The following ACP3 variants were observed in gnomAD, a reference collection of about 807,000 sequenced individuals.
ACP3 encodes the protein prostatic acid phosphatase.
ACP3 carries 38 observed loss-of-function variants against 45.6 expected under a neutral mutation model. That is an observed-to-expected ratio of 0.83 (90% CI 0.64 to 1.09). ACP3 has a LOEUF of 1.09. ACP3 is among the 50% of genes least tolerant of loss of function. The probability of loss-of-function intolerance (pLI) is 0.00; values close to 1 mark genes in which losing one functional copy is unlikely to be tolerated. For missense variants in ACP3, 466 were observed against 463.2 expected (o/e 1.01, Z -0.05); for synonymous variants, 162 against 164.7 (o/e 0.98, Z 0.13).
At chr3:132,335,632 G>T (rs1483045577) in intron 4 of ACP3, among the ~76,000 whole-genome samples, 3 of 152,152 alleles carry the variant, frequency 2.0e-5, no homozygotes, top group Non-Finnish European at 4.4e-5. Context: ...AAATGAAACA[G>T]GTTAATATGA....
intron 2 of ACP3, among the ~76,000 whole-genome samples, chr3:132,330,594 TCTC>T (rs745425924): frequency 1.3e-5 from 2 of 152,282 alleles, no homozygotes; most frequent in Admixed American, 6.5e-5. Flanking sequence ...AGTACCTGCT[TCTC>T]CGCTACTCAG....
chr3:132,360,448 G>C (rs1271793577), downstream of ACP3, among the ~76,000 whole-genome samples: 1 of 152,108 alleles, frequency 6.6e-6, no homozygotes, highest in Non-Finnish European at 1.5e-5. Flanking sequence ...CCTTAGAGTA[G>C]GGGTTTCCAC....
At chr3:132,321,616 G>A (rs2107791623) in intron 1 of ACP3, among the ~76,000 whole-genome samples, 1 of 152,286 alleles carries the variant, frequency 6.6e-6, no homozygotes, top group East Asian at 1.9e-4. Flanking sequence ...GGGTGCATTT[G>A]GCCAAGACAT....
downstream of ACP3, among the ~76,000 whole-genome samples, chr3:132,360,249 A>T (rs1179048744): frequency 1.3e-5 from 2 of 152,080 alleles, no homozygotes; most frequent in Non-Finnish European, 1.5e-5. Context: ...TCTAGCAAAT[A>T]AAAGTACAGG....
At chr3:132,329,111 C>G (rs1937355057) in intron 2 of ACP3, among the ~76,000 whole-genome samples, 1 of 152,126 alleles carries the variant, frequency 6.6e-6, no homozygotes, top group Non-Finnish European at 1.5e-5. Flanking sequence ...GTTCCAAAGC[C>G]CTATTCCCTT....
intron 7 of ACP3, among the ~76,000 whole-genome samples, chr3:132,346,466 C>T (rs567117298): frequency 7.2e-5 from 11 of 152,268 alleles, no homozygotes; most frequent in African/African-American, 2.6e-4. Flanking sequence ...TGTGCAAGTC[C>T]TTACTTCACA....
At chr3:132,337,894 C>T (rs948153102) in intron 5 of ACP3, among the ~76,000 whole-genome samples, 4 of 151,970 alleles carry the variant, frequency 2.6e-5, no homozygotes, top group African/African-American at 9.7e-5. Flanking sequence ...GGATTATTGT[C>T]TTCATATACA....
At chr3:132,362,238 G>A (rs1261063247), downstream of ACP3, among the ~76,000 whole-genome samples, 1 of 151,992 alleles carries the variant, frequency 6.6e-6, no homozygotes, top group Non-Finnish European at 1.5e-5. Context: ...AACCTCAGAG[G>A]ATAACATGCC....
chr3:132,328,286 G>C lies in ACP3; in HGVS notation c.140G>C (p.Arg47Pro), dbSNP rs974512425. 2 of 1,613,656 alleles carry C rather than the reference G, an allele frequency of 1.2e-6. No individual in the cohort carries two copies. Among genetic ancestry groups the C allele is most frequent in the Non-Finnish European group, 1.7e-6 (2 of 1,179,746 alleles). ...FVTLVFRHGD[R>P]SPIDTFPTDP... ...TTTCAGGTGTTTCGGCATGGAGACC[G>C]AAGTCCCATTGACACCTTTCCCACT... Residue 47 changes from arginine (R) to proline (P), a missense_variant, in exon 2 of 10, where the codon CGA (arginine) becomes CCA (proline). Physicochemically the swap from Arg to Pro is moderately radical, Grantham distance 103. Coordinates refer to ENST00000336375, the MANE Select transcript of ACP3 (RefSeq NM_001099.5).
In ACP3 at chr3:132,358,614, C is replaced by A. The variant is rs1937972544; in HGVS notation, c.*1736C>A. ...TCCTGGTTGGTCACAGAATGACTGA[C>A]AAAGACATCGATTGATATGCTTCTT... On this transcript the variant is annotated 3_prime_UTR_variant, in exon 10 of 10. Coordinates refer to ENST00000336375, the MANE Select transcript of ACP3 (RefSeq NM_001099.5). The A allele has an allele frequency of 1.9e-6, 2 of 1,067,494 alleles. No homozygotes were observed. Among genetic ancestry groups the A allele is most frequent in the Admixed American group, 4.6e-5 (1 of 21,676 alleles). The allele number at this position is 1,067,494 out of a possible 1,614,324, so 66.1% of individuals were successfully genotyped here. A position where few individuals can be genotyped will look rare whatever the true frequency, so the allele number is the denominator to read the frequency against.
intron 1 of ACP3, among the ~76,000 whole-genome samples, chr3:132,319,775 G>T (rs1236115922): frequency 6.6e-6 from 1 of 152,130 alleles, no homozygotes. Flanking sequence ...ACTAGACATG[G>T]TCTTTTCCTG....
chr3:132,358,503 C>T lies in ACP3; in HGVS notation c.*1625C>T. On this transcript the variant is annotated 3_prime_UTR_variant, in exon 10 of 10. Transcript: ENST00000336375. ...ATCTACATGTCTAGAGAACACTGTG[C>T]TCTATTACCATTATGGATAAAGATG... 3.2e-6 allele frequency: 4 copies of T among 1,252,548 alleles called. No homozygotes were observed. Among genetic ancestry groups the T allele is most frequent in the Non-Finnish European group, 4.1e-6 (4 of 965,602 alleles). 77.6% of individuals were successfully genotyped at this position (1,252,548 alleles called of 1,614,324 possible).
rs549024894 is a variant in ACP3 at position 132,337,539 on chromosome 3, G to A, written c.540G>A (p.Arg180=). 3.1e-6 allele frequency: 5 copies of A among 1,608,066 alleles called. No individual in the cohort carries two copies. Among genetic ancestry groups the A allele is most frequent in the African/African-American group, 1.3e-5 (1 of 74,864 alleles). Residue 180 remains arginine (R), a synonymous_variant, in exon 5 of 10, where the codon AGG becomes AGA. Coordinates refer to ENST00000336375, the MANE Select transcript of ACP3 (RefSeq NM_001099.5). ...ETLKSEEFQK[R]LHPYKDFIAT... ...TGAAATCAGAGGAATTCCAGAAGAGGCTGCACCCTTATAAGGTTAAAAGCT... is the reference window on the plus strand; with the variant it reads ...TGAAATCAGAGGAATTCCAGAAGAGACTGCACCCTTATAAGGTTAAAAGCT...
chr3:132,365,654 A>C (rs943276255), intron 10 of ACP3, among the ~76,000 whole-genome samples: 3 of 152,172 alleles, frequency 2.0e-5, no homozygotes, highest in African/African-American at 4.8e-5. Flanking sequence ...AAGTGGCATG[A>C]TTTGACTTTA....
Position 132,342,589 on chromosome 3 carries a change from A to G in ACP3, c.593A>G (p.His198Arg). Residue 198 changes from histidine (H) to arginine (R), a missense_variant, in exon 6 of 10, where the codon CAT becomes CGT. Coordinates refer to ENST00000336375, the MANE Select transcript of ACP3 (RefSeq NM_001099.5). Reference sequence around the variant, plus strand: ...ACCTTGGGAAAACTTTCAGGATTACATGGCCAGGACCTTTTTGGAATTTGG... The same window carrying G: ...ACCTTGGGAAAACTTTCAGGATTACGTGGCCAGGACCTTTTTGGAATTTGG... ...IATLGKLSGL[H>R]GQDLFGIWSK... 6.2e-7 allele frequency: 1 copy of G among 1,613,154 alleles called. No individual in the cohort carries two copies. The highest frequency in any genetic ancestry group is 8.5e-7 in the Non-Finnish European group (1 of 1,179,686).
chr3:132,363,301 G>T (rs1277061443), downstream of ACP3, among the ~76,000 whole-genome samples: 1 of 151,964 alleles, frequency 6.6e-6, no homozygotes, highest in Non-Finnish European at 1.5e-5. Flanking sequence ...TCTCTATCAG[G>T]ATAATAACCT....
intron 2 of ACP3, among the ~76,000 whole-genome samples, chr3:132,330,255 T>A (rs1236107292): frequency 6.6e-6 from 1 of 152,122 alleles, no homozygotes; most frequent in Non-Finnish European, 1.5e-5. Flanking sequence ...AATCATAAGA[T>A]GATGGCTGTC....
At chr3:132,365,448 G>C (rs1432685217) in intron 10 of ACP3, among the ~76,000 whole-genome samples, 1 of 152,218 alleles carries the variant, frequency 6.6e-6, no homozygotes, top group Non-Finnish European at 1.5e-5. Context: ...AGGCAGGACT[G>C]CTTGGCATGT....
chr3:132,358,671 C>T lies in ACP3; in HGVS notation c.*1793C>T. On this transcript the variant is annotated 3_prime_UTR_variant, in exon 10 of 10. Transcript: ENST00000336375. ...ATTTCCCTCCCAAGTAAATGTTTGT[C>T]CTTGGGTCCATTTTCTATGCTTGTA... The T allele has an allele frequency of 9.7e-7, 1 of 1,028,922 alleles. No individual in the cohort carries two copies. The highest frequency in any genetic ancestry group is 1.2e-6 in the Non-Finnish European group (1 of 852,472). The allele number at this position is 1,028,922 out of a possible 1,614,324, so 63.7% of individuals were successfully genotyped here.
Sources: gnomAD v4.1 joint callset for allele counts (sites outside exome capture counted in the v4.1 genomes callset) on GRCh38, gnomAD v4.1.1 for gene constraint, MANE v1.5 for transcripts, NCBI Gene and HGNC (gene_info 2026-07-23, HGNC 2026-07-21) for gene names.